RAB30: variants seen among roughly 807,000 people sequenced by gnomAD.
RAB30 encodes the protein ras-related protein Rab-30.
In RAB30, 9 loss-of-function variants were observed where a neutral mutation model predicts 25.1. The ratio of observed to expected loss-of-function variants is 0.36; its 90% confidence interval spans 0.22 to 0.63. The LOEUF (loss-of-function observed/expected upper bound fraction) is 0.63, where lower values mean the gene tolerates loss of function less well. Ranked by LOEUF, RAB30 falls within the 20% of genes least tolerant of loss-of-function variation. The pLI, the probability that RAB30 is intolerant of heterozygous loss-of-function variation, is 0.69. For missense variants in RAB30, 140 were observed against 243.5 expected, an observed-to-expected ratio of 0.58 and a Z score of 2.83; for synonymous variants, 77 against 86.4, an observed-to-expected ratio of 0.89 and a Z score of 0.60.
Position 82,973,718 on chromosome 11 carries a change from A to C in RAB30, c.*8447T>G. On this transcript the variant is annotated 3_prime_UTR_variant, in exon 5 of 5. Coordinates refer to ENST00000527633, the MANE Select transcript of RAB30 (RefSeq NM_001286060.2). ...AACAGGATTGCAAGAGGTTCTACGT[A>C]AATAAACATAAATGATTTGATTTGA... The C allele has an allele frequency of 6.6e-6, 1 of 152,220 alleles. No individual in the cohort carries two copies. Among genetic ancestry groups the C allele is most frequent in the Non-Finnish European group, 1.5e-5 (1 of 68,026 alleles). 9.4% of individuals were successfully genotyped at this position (152,220 alleles called of 1,614,324 possible).
In RAB30 at chr11:83,071,844, G is replaced by A. The variant is rs920759904; in HGVS notation, c.-162C>T. 5.5e-6 allele frequency: 2 copies of A among 363,724 alleles called. No individual in the cohort carries two copies. The highest frequency in any genetic ancestry group is 4.9e-6 in the Non-Finnish European group (1 of 204,752). The allele number at this position is 363,724 out of a possible 1,614,324, so 22.5% of individuals were successfully genotyped here. A position where few individuals can be genotyped will look rare whatever the true frequency, so the allele number is the denominator to read the frequency against. On this transcript the variant is annotated 5_prime_UTR_variant, in exon 1 of 5. Coordinates refer to ENST00000527633, the MANE Select transcript of RAB30 (RefSeq NM_001286060.2). ...CTGCTACACTTAGCTCAGCTGGAGC[G>A]AGCGGCAATCGCAAGCCCAGCAGCA...
chr11:82,983,888 G>A (rs1856689243), intron 4 of RAB30, among the ~76,000 whole-genome samples: 1 of 152,172 alleles, frequency 6.6e-6, no homozygotes, highest in African/African-American at 2.4e-5. Flanking sequence ...TTATTATTCT[G>A]AGGTTGCTAT....
chr11:82,995,823 A>T (rs1454868782), intron 2 of RAB30, among the ~76,000 whole-genome samples: 1 of 152,220 alleles, frequency 6.6e-6, no homozygotes, highest in Non-Finnish European at 1.5e-5. Context: ...ATCTCACAAT[A>T]TAAGATCCTA....
At chr11:83,028,103 C>T (rs553371775) in intron 1 of RAB30, among the ~76,000 whole-genome samples, 4 of 152,134 alleles carry the variant, frequency 2.6e-5, no homozygotes, top group African/African-American at 4.8e-5. Context: ...TATGCAAGGG[C>T]GGAAATACCA....
intron 1 of RAB30, among the ~76,000 whole-genome samples, chr11:83,019,957 G>A (rs1480653003): frequency 6.6e-6 from 1 of 152,224 alleles, no homozygotes. Flanking sequence ...TGAGCTGTCT[G>A]GAGCAGCCAC....
chr11:83,027,922 ACTT>A (rs1347738838), intron 1 of RAB30, among the ~76,000 whole-genome samples: 1 of 152,144 alleles, frequency 6.6e-6, no homozygotes, highest in African/African-American at 2.4e-5. Context: ...TTTGTGAGTG[ACTT>A]CTTTCACTTA....
intron 1 of RAB30, among the ~76,000 whole-genome samples, chr11:83,030,710 T>C (rs1408087601): frequency 6.6e-6 from 1 of 151,826 alleles, no homozygotes; most frequent in Admixed American, 6.6e-5. Flanking sequence ...GGCAGGAGAA[T>C]TGCTTGAACC....
intron 1 of RAB30, among the ~76,000 whole-genome samples, chr11:83,069,691 A>C (rs767329821): frequency 6.6e-6 from 1 of 152,362 alleles, no homozygotes; most frequent in East Asian, 1.9e-4. Context: ...CTTGGGAATT[A>C]TGAGAACATT....
intron 1 of RAB30, among the ~76,000 whole-genome samples, chr11:83,042,029 CAAAAAAAA>C (rs61607477): frequency 2.1e-5 from 2 of 95,136 alleles, no homozygotes; most frequent in Admixed American, 2.1e-4. Context: ...GACTCTGTCT[CAAAAAAAA>C]AAAAAAAAAA....
At chr11:83,067,069 T>C (rs1858717979) in intron 1 of RAB30, among the ~76,000 whole-genome samples, 1 of 152,162 alleles carries the variant, frequency 6.6e-6, no homozygotes, top group South Asian at 2.1e-4. Context: ...TTTGCTTGCC[T>C]TCATGTCTAG....
At chr11:83,029,599 T>C (rs1454639191) in intron 1 of RAB30, among the ~76,000 whole-genome samples, 1 of 152,106 alleles carries the variant, frequency 6.6e-6, no homozygotes, top group Admixed American at 6.6e-5. Flanking sequence ...TTCTACATCA[T>C]ATCATTTTAT....
chr11:82,980,821 G>GA lies in RAB30; in HGVS notation c.*1343dup. On this transcript the variant is annotated 3_prime_UTR_variant, in exon 5 of 5. Transcript: ENST00000527633. The stretch of plus-strand genomic sequence containing the variant: ...ATTTGCAGTAACACAGGCATATAAG[G>GA]ATGGGAGGGAAGGAGGGAGGGAGGG... 7.1e-6 allele frequency: 1 copy of GA among 140,996 alleles called. No homozygotes were observed. The highest frequency in any genetic ancestry group is 2.6e-4 in the South Asian group (1 of 3,776). The allele number at this position is 140,996 out of a possible 1,614,324, so 8.7% of individuals were successfully genotyped here. A position where few individuals can be genotyped will look rare whatever the true frequency, so the allele number is the denominator to read the frequency against.
chr11:83,016,899 A>C (rs929920836), intron 1 of RAB30, among the ~76,000 whole-genome samples: 7 of 152,178 alleles, frequency 4.6e-5, no homozygotes, highest in African/African-American at 7.2e-5. Flanking sequence ...ATGTGTGCAC[A>C]TCTGGCTGGG....
At chr11:83,031,314 CA>C (rs1857851882) in intron 1 of RAB30, among the ~76,000 whole-genome samples, 1 of 152,174 alleles carries the variant, frequency 6.6e-6, no homozygotes, top group African/African-American at 2.4e-5. Flanking sequence ...TTATTTTTTT[CA>C]TGTCATTGAC....
chr11:83,015,956 G>A (rs1383366027), intron 1 of RAB30, among the ~76,000 whole-genome samples: 1 of 152,116 alleles, frequency 6.6e-6, no homozygotes, highest in Non-Finnish European at 1.5e-5. Context: ...TGGGCAACAT[G>A]ACGAAACCCT....
chr11:83,056,817 A>T (rs1467846006), intron 1 of RAB30, among the ~76,000 whole-genome samples: 1 of 152,252 alleles, frequency 6.6e-6, no homozygotes, highest in Non-Finnish European at 1.5e-5. Context: ...ATGTTAACAC[A>T]GTGCTTGGCA....
intron 1 of RAB30, among the ~76,000 whole-genome samples, chr11:83,046,934 A>G (rs1858247630): frequency 2.0e-5 from 3 of 152,200 alleles, no homozygotes; most frequent in African/African-American, 7.2e-5. Flanking sequence ...GATTATCTCT[A>G]AAGTCCCTTT....
intron 1 of RAB30, among the ~76,000 whole-genome samples, chr11:83,014,999 T>A (rs978077558): frequency 6.6e-6 from 1 of 152,174 alleles, no homozygotes; most frequent in African/African-American, 2.4e-5. Context: ...ACACTGAGGC[T>A]GAGCACATGG....
At position 83,014,621 on chromosome 11, in the gene RAB30, GAAAGAAGTA is replaced by G. The variant is rs1565276956; in HGVS notation, c.-8-17306_-8-17298del. On this transcript the variant is annotated intron_variant, in intron 1 of 4. Coordinates refer to ENST00000527633, the MANE Select transcript of RAB30 (RefSeq NM_001286060.2). ...GCAGAGGCAGAGAGAGACAAAGAAA[GAAAGAAGTA>G]AGAAAAAGAAAGAAAGAAAGAAAGA... Among the ~76,000 whole-genome samples the G allele has an allele frequency of 3.1e-3, 248 of 79,258 alleles. 1 individual carries two copies. Among genetic ancestry groups the G allele is most frequent in the Middle Eastern group, 0.013 (2 of 158 alleles). The allele number at this position is 79,258 out of a possible 152,430, so 52.0% of individuals were successfully genotyped here.
Sources: gnomAD v4.1 joint callset for allele counts (sites outside exome capture counted in the v4.1 genomes callset) on GRCh38, gnomAD v4.1.1 for gene constraint, MANE v1.5 for transcripts, NCBI Gene and HGNC (gene_info 2026-07-23, HGNC 2026-07-21) for gene names.